The following ARHGAP26 variants were observed in gnomAD, a reference collection of about 807,000 sequenced individuals.
The protein encoded by ARHGAP26 is Rho GTPase activating protein 26.
Under a neutral mutation model 104.8 loss-of-function variants are expected in ARHGAP26, and 38 were observed. The observed-to-expected ratio is 0.36, with a 90% confidence interval of 0.28 to 0.48. The LOEUF (loss-of-function observed/expected upper bound fraction) is 0.48. Among genes scored for constraint, ARHGAP26 ranks in the 20% least tolerant of loss-of-function variants. The pLI is 0.99. For missense variants in ARHGAP26, 704 were observed against 947.9 expected (o/e 0.74, Z 3.38); for synonymous variants, 341 against 340.0 (o/e 1.00, Z -0.03).
intron 20 of ARHGAP26, among the ~76,000 whole-genome samples, chr5:143,178,402 G>A (rs185322998): frequency 6.6e-6 from 1 of 152,206 alleles, no homozygotes; most frequent in Admixed American, 6.5e-5. Flanking sequence ...AAGGAGCATT[G>A]TGTTCATTGT....
intron 4 of ARHGAP26, among the ~76,000 whole-genome samples, chr5:142,882,005 T>G (rs1757064847): frequency 6.6e-6 from 1 of 152,246 alleles, no homozygotes; most frequent in Admixed American, 6.5e-5. Context: ...CCCCTGGTGC[T>G]TGACATAACC....
At chr5:143,001,455 A>G (rs556383956) in intron 11 of ARHGAP26, among the ~76,000 whole-genome samples, 1 of 152,400 alleles carries the variant, frequency 6.6e-6, no homozygotes, top group South Asian at 2.1e-4. Flanking sequence ...GATGATAGAA[A>G]GATGGCTAGA....
At chr5:143,068,203 G>A (rs1787783064) in intron 17 of ARHGAP26, among the ~76,000 whole-genome samples, 2 of 152,108 alleles carry the variant, frequency 1.3e-5, no homozygotes, top group Admixed American at 6.6e-5. Context: ...AAAATTTATT[G>A]AAAGGCTCCT....
intron 17 of ARHGAP26, among the ~76,000 whole-genome samples, chr5:143,102,494 C>T (rs1002440173): frequency 2.0e-4 from 31 of 152,228 alleles, no homozygotes; most frequent in African/African-American, 6.8e-4. Context: ...TGCTGATCCT[C>T]ATAAAGCTTG....
At chr5:142,831,584 A>C (rs1033316388) in intron 1 of ARHGAP26, among the ~76,000 whole-genome samples, 1 of 151,970 alleles carries the variant, frequency 6.6e-6, no homozygotes, top group Non-Finnish European at 1.5e-5. Flanking sequence ...GCTCAGATCC[A>C]ACATGTCTCA....
In ARHGAP26 at chr5:143,222,333, C is replaced by T. The variant is rs28593769; in HGVS notation, c.2192-25C>T. On this transcript the variant is annotated intron_variant, in intron 22 of 22. Coordinates refer to ENST00000645722, the MANE Select transcript of ARHGAP26 (RefSeq NM_001135608.3). ...CTCTATCTGTAATGCCATCTCTTCT[C>T]GCTTTCTCTCCCCTTCCTGTACAGT... 1,218 of 1,524,624 alleles carry T rather than the reference C, an allele frequency of 8.0e-4. 4 individuals carry two copies. The African/African-American group carries it at 0.015, about 19-fold the overall frequency. The allele number at this position is 1,524,624 out of a possible 1,614,324, so 94.4% of individuals were successfully genotyped here.
rs970150955 is a variant in ARHGAP26, at chr5:143,078,551, C to T, written c.1538+20804C>T. On this transcript the variant is annotated intron_variant, in intron 17 of 22. Coordinates refer to ENST00000645722, the MANE Select transcript of ARHGAP26 (RefSeq NM_001135608.3). ...CATCTGGAATTTTATAGCAGTTGGG[C>T]GGGGTGGGGGAGGTTTTCAGATAAT... Among the ~76,000 whole-genome samples, 7 of 150,870 alleles carry T rather than the reference C, an allele frequency of 4.6e-5. No individual in the cohort carries two copies. The South Asian group carries it at 8.4e-4, about 18-fold the overall frequency.
intron 20 of ARHGAP26, among the ~76,000 whole-genome samples, chr5:143,171,690 C>T (rs1385994121): frequency 6.6e-6 from 1 of 152,150 alleles, no homozygotes; most frequent in Non-Finnish European, 1.5e-5. Context: ...GTGAGATTTC[C>T]TCCTACATTT....
chr5:143,184,356 A>T (rs1312310764), intron 20 of ARHGAP26, among the ~76,000 whole-genome samples: 1 of 152,176 alleles, frequency 6.6e-6, no homozygotes, highest in Non-Finnish European at 1.5e-5. Context: ...CCGTAAAAAC[A>T]TGTATAAGGA....
At chr5:143,013,553 G>A (rs192749335) in intron 11 of ARHGAP26, among the ~76,000 whole-genome samples, 7 of 152,090 alleles carry the variant, frequency 4.6e-5, no homozygotes, top group Middle Eastern at 3.4e-3. Flanking sequence ...CCCACTCCCC[G>A]GTATTAACAG....
intron 22 of ARHGAP26, among the ~76,000 whole-genome samples, chr5:143,214,455 A>C (rs1810014991): frequency 6.6e-6 from 1 of 152,232 alleles, no homozygotes; most frequent in Non-Finnish European, 1.5e-5. Context: ...TCACTAAATT[A>C]ATATTTTTAT....
chr5:143,068,079 G>A (rs768324764), intron 17 of ARHGAP26, among the ~76,000 whole-genome samples: 6 of 152,180 alleles, frequency 3.9e-5, no homozygotes, highest in East Asian at 1.9e-4. Context: ...TACGAGAATC[G>A]CTTGAGCCCA....
intron 1 of ARHGAP26, among the ~76,000 whole-genome samples, chr5:142,822,194 CACTA>C (rs1477197357): frequency 6.6e-6 from 1 of 151,934 alleles, no homozygotes; most frequent in African/African-American, 2.4e-5. Flanking sequence ...CTTTCTATCA[CACTA>C]ACTGTTTGAT....
intron 11 of ARHGAP26, among the ~76,000 whole-genome samples, chr5:142,958,443 G>A (rs892634968): frequency 6.6e-6 from 1 of 152,152 alleles, no homozygotes; most frequent in African/African-American, 2.4e-5. Context: ...AAGGCAGGGG[G>A]ATTGCTTGAG....
rs55675814 is a variant in ARHGAP26 at position 142,884,882 on chromosome 5, T to G, written c.385-416T>G. ...TGGATCTAGCCTTAGTCTAGACTTG[T>G]CTCATTCAAGCTGTGAGGATATCTT... On this transcript the variant is annotated intron_variant, in intron 4 of 22. Coordinates refer to ENST00000645722, the MANE Select transcript of ARHGAP26 (RefSeq NM_001135608.3). 6.0e-4 allele frequency among the ~76,000 whole-genome samples: 92 copies of G among 152,338 alleles called. 1 individual carries two copies. Among genetic ancestry groups the G allele is most frequent in the African/African-American group, 2.0e-3 (84 of 41,566 alleles).
At chr5:143,051,532 A>T (rs1785027359) in intron 14 of ARHGAP26, among the ~76,000 whole-genome samples, 1 of 152,190 alleles carries the variant, frequency 6.6e-6, no homozygotes, top group Non-Finnish European at 1.5e-5. Flanking sequence ...TGCCATCAGG[A>T]AGCTTTTGTA....
intron 11 of ARHGAP26, among the ~76,000 whole-genome samples, chr5:142,952,492 C>G (rs762678903): frequency 6.6e-6 from 1 of 152,174 alleles, no homozygotes; most frequent in Non-Finnish European, 1.5e-5. Context: ...TGTCTGCAAA[C>G]AGAGGAAAGC....
At chr5:143,085,797 A>G (rs1191355632) in intron 17 of ARHGAP26, among the ~76,000 whole-genome samples, 3 of 152,258 alleles carry the variant, frequency 2.0e-5, no homozygotes, top group Non-Finnish European at 2.9e-5. Flanking sequence ...GGTACGAGGA[A>G]GGAAACAAAC....
chr5:142,855,502 C>T (rs1021013734), intron 1 of ARHGAP26, among the ~76,000 whole-genome samples: 13 of 152,152 alleles, frequency 8.5e-5, no homozygotes, highest in African/African-American at 3.1e-4. Flanking sequence ...TTCCATCTGC[C>T]CATCATTATT....
Sources: allele counts gnomAD v4.1 joint callset (sites outside exome capture counted in the v4.1 genomes callset), GRCh38; gene constraint gnomAD v4.1.1; transcripts MANE v1.5; gene names NCBI Gene and HGNC (gene_info 2026-07-23, HGNC 2026-07-21).